The following POLA2 variants were observed in gnomAD, a reference collection of about 807,000 sequenced individuals.
The protein encoded by POLA2 is DNA polymerase alpha 2, accessory subunit.
Under a neutral mutation model 82.8 loss-of-function variants are expected in POLA2, and 47 were observed. The ratio of observed to expected loss-of-function variants is 0.57; its 90% CI spans 0.45 to 0.72. POLA2 has a LOEUF of 0.72. Among genes scored for constraint, POLA2 ranks in the 30% least tolerant of loss-of-function variants. The probability of loss-of-function intolerance (pLI) is 0.00; values close to 1 mark genes in which losing one functional copy is unlikely to be tolerated. For synonymous variants in POLA2, 287 were observed against 286.8 expected (o/e 1.00, Z -0.01); for missense variants, 634 against 728.1 (o/e 0.87, Z 1.49).
At position 65,297,389 on chromosome 11, in the gene POLA2, G is replaced by C. The variant is rs1949823783; in HGVS notation, c.*120G>C. On this transcript the variant is annotated 3_prime_UTR_variant, in exon 18 of 18. Transcript: ENST00000265465. The stretch of plus-strand genomic sequence containing the variant: ...GGAAAGGAGAGAGGAGCCAGCCAGG[G>C]AGGGGCAGCTGCAGTGACCAGGCCC... 1 of 1,224,956 alleles carries C rather than the reference G, an allele frequency of 8.2e-7. No individual in the cohort carries two copies. Among genetic ancestry groups the C allele is most frequent in the South Asian group, 1.7e-5 (1 of 60,476 alleles). The allele number at this position is 1,224,956 out of a possible 1,614,324, so 75.9% of individuals were successfully genotyped here. A position where few individuals can be genotyped will look rare whatever the true frequency, so the allele number is the denominator to read the frequency against.
intron 1 of POLA2, among the ~76,000 whole-genome samples, chr11:65,266,150 C>T (rs1259119864): frequency 5.3e-5 from 8 of 152,280 alleles, no homozygotes; most frequent in Admixed American, 3.9e-4. Context: ...TTAATAGGGA[C>T]GCCACTCTTC....
rs1277618026 is a variant in POLA2 at position 65,262,107 on chromosome 11, CTG to C, written c.-183_-182del. On this transcript the variant is annotated 5_prime_UTR_variant, in exon 1 of 18. Coordinates refer to ENST00000265465, the MANE Select transcript of POLA2 (RefSeq NM_002689.4). ...TTCATTTTTTAAAAAAAGTATTTCT[CTG>C]TGACCGACGGCCGGGGCCTTCTGAC... 1 of 579,682 alleles carries C rather than the reference CTG, an allele frequency of 1.7e-6. No homozygotes were observed. The highest frequency in any genetic ancestry group is 3.2e-5 in the Admixed American group (1 of 31,058). The allele number at this position is 579,682 out of a possible 1,614,324, so 35.9% of individuals were successfully genotyped here. A position where few individuals can be genotyped will look rare whatever the true frequency, so the allele number is the denominator to read the frequency against.
chr11:65,285,729 G>GT (rs1330258088), intron 10 of POLA2, among the ~76,000 whole-genome samples: 4 of 152,192 alleles, frequency 2.6e-5, no homozygotes, highest in African/African-American at 9.7e-5. Flanking sequence ...TTTGGAAACA[G>GT]TTTAACAGGT....
At chr11:65,290,025 C>T (rs750458080) in intron 13 of POLA2, among the ~76,000 whole-genome samples, 153 bp downstream of exon 13, 3 of 151,610 alleles carry the variant, frequency 2.0e-5, no homozygotes, top group Admixed American at 6.6e-5. Flanking sequence ...GAGGCGGGCA[C>T]ATCACCTGAG....
At chr11:65,267,300 T>C (rs1949471749) in intron 2 of POLA2, among the ~76,000 whole-genome samples, 177 bp from the exon 3 acceptor site, 2 of 152,238 alleles carry the variant, frequency 1.3e-5, no homozygotes, top group South Asian at 2.1e-4. Flanking sequence ...AGGATTGTTA[T>C]ATGTTATAGA....
rs534796235 is a variant in POLA2 at position 65,270,662 on chromosome 11, G to A, written c.354+1933G>A. On this transcript the variant is annotated intron_variant, in intron 4 of 17. Coordinates refer to ENST00000265465, the MANE Select transcript of POLA2 (RefSeq NM_002689.4). ...CACATCCAACTTAGCTACCAGTCCT[G>A]TCATCCCTCTCCAGGATCTGGCCAC... Among the ~76,000 whole-genome samples, 7 of 152,160 alleles carry A rather than the reference G, an allele frequency of 4.6e-5. No individual in the cohort carries two copies. The East Asian group carries it at 1.4e-3, about 29-fold the overall frequency.
At chr11:65,304,201 TTCCATCCATCCG>T (rs142064119) in intron 8 of POLA2, among the ~76,000 whole-genome samples, 3,298 of 151,836 alleles carry the variant, frequency 0.022, 127 homozygotes, top group African/African-American at 0.075. Flanking sequence ...CCATCCATTC[TTCCATCCATCCG>T]TCCATCCATT....
chr11:65,298,942 C>T (rs1446856489), downstream of POLA2, among the ~76,000 whole-genome samples: 1 of 152,232 alleles, frequency 6.6e-6, no homozygotes, highest in Non-Finnish European at 1.5e-5. Context: ...AGGGCCGGAG[C>T]AGGCATTTAA....
At chr11:65,272,164 C>T (rs1555019384) in intron 4 of POLA2, among the ~76,000 whole-genome samples, 1 of 152,114 alleles carries the variant, frequency 6.6e-6, no homozygotes, top group African/African-American at 2.4e-5. Flanking sequence ...CAAAAATTAG[C>T]TAGGCATGAT....
chr11:65,276,194 C>G (rs552848032), intron 5 of POLA2, among the ~76,000 whole-genome samples, 196 bp downstream of exon 5: 41 of 152,120 alleles, frequency 2.7e-4, no homozygotes, highest in Admixed American at 2.4e-3. Flanking sequence ...CTGTTTCTTA[C>G]GGTAATTAAG....
chr11:65,273,130 GC>G (rs1021875651), intron 4 of POLA2, among the ~76,000 whole-genome samples: 8 of 151,774 alleles, frequency 5.3e-5, no homozygotes, highest in African/African-American at 1.9e-4. Context: ...GACCAGCCTG[GC>G]CAAAATGGCA....
intron 4 of POLA2, among the ~76,000 whole-genome samples, chr11:65,272,882 C>T (rs1405081452): frequency 2.6e-5 from 4 of 151,460 alleles, no homozygotes; most frequent in South Asian, 4.2e-4. Context: ...GGCGTGGCAG[C>T]GGGCGCCTGT....
intron 17 of POLA2, 128 bp from the exon 18 acceptor site, chr11:65,296,992 T>C: frequency 2.3e-6 from 2 of 882,006 alleles, no homozygotes; most frequent in Non-Finnish European, 3.6e-6. Context: ...GTCTGGTGAT[T>C]TGGTTGCCTT....
In POLA2 at chr11:65,297,556, G is replaced by A. The variant is rs1387812698; in HGVS notation, c.*287G>A. 1 of 294,586 alleles carries A rather than the reference G, an allele frequency of 3.4e-6. No homozygotes were observed. The highest frequency in any genetic ancestry group is 6.2e-6 in the Non-Finnish European group (1 of 160,282). The allele number at this position is 294,586 out of a possible 1,614,324, so 18.2% of individuals were successfully genotyped here. ...CACTCAGAAAAGGCGAGAAGGCTTT[G>A]TGATTTTCTACATGAATCAAACACA... On this transcript the variant is annotated 3_prime_UTR_variant, in exon 18 of 18. Transcript: ENST00000265465.
At chr11:65,302,767 C>T (rs922125777), downstream of POLA2, among the ~76,000 whole-genome samples, 15 of 151,794 alleles carry the variant, frequency 9.9e-5, no homozygotes, top group African/African-American at 1.5e-4. Context: ...CTCACTCTGT[C>T]GCCCAGTCTA....
At chr11:65,295,745 A>G in intron 16 of POLA2, 119 bp from the exon 17 acceptor site, 1 of 1,370,844 alleles carries the variant, frequency 7.3e-7, no homozygotes, top group Non-Finnish European at 1.0e-6. Flanking sequence ...CCCCACACAC[A>G]CAGAGAAAAA....
At chr11:65,284,827 C>T (rs1293046945) in intron 10 of POLA2, among the ~76,000 whole-genome samples, 1 of 152,136 alleles carries the variant, frequency 6.6e-6, no homozygotes, top group Non-Finnish European at 1.5e-5. Context: ...ACACCCAACC[C>T]TCAAGGCATT....
Position 65,297,326 on chromosome 11 carries a change from C to T in POLA2, c.*57C>T, listed in dbSNP as rs1949822594. ...GGGCCCTTAAAGTCTTAGCCAAGAG[C>T]CAAGACATAGCCCTGTGACAAGGTG... On this transcript the variant is annotated 3_prime_UTR_variant, in exon 18 of 18. Transcript: ENST00000265465. 1.3e-6 allele frequency: 2 copies of T among 1,508,782 alleles called. No homozygotes were observed. The highest frequency in any genetic ancestry group is 1.3e-5 in the South Asian group (1 of 75,236). 93.5% of individuals were successfully genotyped at this position (1,508,782 alleles called of 1,614,324 possible).
At position 65,294,255 on chromosome 11, in the gene POLA2, C is replaced by T. The variant is rs1056752793; in HGVS notation, c.1347C>T (p.Asp449=). 5 of 1,612,950 alleles carry T rather than the reference C, an allele frequency of 3.1e-6. No individual in the cohort carries two copies. The highest frequency in any genetic ancestry group is 2.2e-5 in the South Asian group (2 of 91,062). ...GCTACTCCGATCTGTCTCGAGAGGACAAAAAGGTAGCAGCACCCACTCCTT... is the reference window on the plus strand; with the variant it reads ...GCTACTCCGATCTGTCTCGAGAGGATAAAAAGGTAGCAGCACCCACTCCTT... ...PFSYSDLSRE[D]KKQVQFVSEP... is the part of the protein sequence containing the mutation. The change falls in exon 14 of 18, where the codon GAC becomes GAT. Residue 449 remains aspartate (D), a synonymous_variant. Transcript: ENST00000265465.
Sources: gnomAD v4.1 joint callset for allele counts (sites outside exome capture counted in the v4.1 genomes callset) on GRCh38, gnomAD v4.1.1 for gene constraint, MANE v1.5 for transcripts, NCBI Gene and HGNC (gene_info 2026-07-23, HGNC 2026-07-21) for gene names.